Variants in PLXNA2 observed in about 807,000 individuals in gnomAD.
PLXNA2 encodes the protein plexin A2, also known as plexin-A2.
In PLXNA2, 91 loss-of-function variants were observed where a neutral mutation model predicts 193.5. The observed-to-expected ratio is 0.47, with a 90% CI of 0.40 to 0.56. The LOEUF (loss-of-function observed/expected upper bound fraction) is 0.56, where lower values mean the gene tolerates loss of function less well. PLXNA2 is among the 20% of genes least tolerant of loss of function. The probability of loss-of-function intolerance (pLI) is 0.00; values close to 1 mark genes in which losing one functional copy is unlikely to be tolerated. For missense variants in PLXNA2, 1,995 were observed against 2,503.2 expected (o/e 0.80, Z 4.33); for synonymous variants, 997 against 1,027.3 (o/e 0.97, Z 0.56).
chr1:208,204,400 A>G (rs569098052), intron 3 of PLXNA2, among the ~76,000 whole-genome samples: 4 of 152,224 alleles, frequency 2.6e-5, no homozygotes, highest in African/African-American at 9.6e-5. Context: ...CCTCCAGCCA[A>G]CATTTCTGAG....
chr1:208,135,298 G>A (rs1668269496), intron 4 of PLXNA2, among the ~76,000 whole-genome samples: 1 of 152,204 alleles, frequency 6.6e-6, no homozygotes, highest in Non-Finnish European at 1.5e-5. Flanking sequence ...TTAAACAGAT[G>A]TGGTTAAAAA....
rs140398609 is a variant in PLXNA2, at chr1:208,072,517, G to T, written c.2586+6743C>A. On this transcript the variant is annotated intron_variant, in intron 12 of 31. Transcript: ENST00000367033. ...TGAACTACCTGGGCCCCATTGTCTG[G>T]CCTCTCCCATTAGGCTGAGATGCTT... is the stretch of plus-strand genomic sequence containing the variant. Among the ~76,000 whole-genome samples, 789 of 152,226 alleles carry T rather than the reference G, an allele frequency of 5.2e-3. 5 individuals carry two copies. The highest frequency in any genetic ancestry group is 0.012 in the Admixed American group (188 of 15,292).
intron 3 of PLXNA2, among the ~76,000 whole-genome samples, chr1:208,167,128 C>G (rs1420932203): frequency 6.6e-6 from 1 of 152,154 alleles, no homozygotes; most frequent in Admixed American, 6.5e-5. Context: ...TCACTTATCT[C>G]AGTGCTGAAT....
intron 4 of PLXNA2, among the ~76,000 whole-genome samples, chr1:208,115,222 G>A (rs1173279097): frequency 1.3e-5 from 2 of 152,106 alleles, no homozygotes; most frequent in Non-Finnish European, 2.9e-5. Context: ...TTGTGAATCT[G>A]CATTCTGATA....
At chr1:208,188,538 A>G (rs1181543457) in intron 3 of PLXNA2, among the ~76,000 whole-genome samples, 1 of 152,038 alleles carries the variant, frequency 6.6e-6, no homozygotes, top group African/African-American at 2.4e-5. Flanking sequence ...TCGAAATCCC[A>G]TCTCTACTAA....
chr1:208,140,967 G>A (rs571345921), intron 4 of PLXNA2, among the ~76,000 whole-genome samples: 5 of 152,238 alleles, frequency 3.3e-5, no homozygotes, highest in South Asian at 2.1e-4. Flanking sequence ...CTGTTTCATC[G>A]GAATGATAGG....
At position 208,033,465 on chromosome 1, in the gene PLXNA2, G is replaced by A; in HGVS notation, c.4909C>T (p.Arg1637Trp). 1 of 1,613,268 alleles carries A rather than the reference G, an allele frequency of 6.2e-7. No individual in the cohort carries two copies. Among genetic ancestry groups the A allele is most frequent in the Non-Finnish European group, 8.5e-7 (1 of 1,179,460 alleles). ...YTGSPDSLRS[R>W]APMITPDLES... is the part of the protein sequence containing the mutation. The stretch of plus-strand genomic sequence containing the variant: ...AGGTCTGGGGTGATCATCGGGGCCC[G>A]GGACCGCAGGCTGTCGGGGCTGCCC... Residue 1637 changes from arginine (R) to tryptophan (W), a missense_variant, in exon 28 of 32, where the codon CGG (arginine) becomes TGG (tryptophan). Transcript: ENST00000367033.
chr1:208,103,430 C>T (rs1304250073), intron 4 of PLXNA2, among the ~76,000 whole-genome samples, 183 bp from the exon 5 acceptor site: 1 of 152,234 alleles, frequency 6.6e-6, no homozygotes, highest in Non-Finnish European at 1.5e-5. Flanking sequence ...GTAGGCTAAG[C>T]CGAGTGTGTC....
chr1:208,239,948 G>A (rs770961118), intron 1 of PLXNA2, among the ~76,000 whole-genome samples: 2 of 152,156 alleles, frequency 1.3e-5, no homozygotes, highest in Non-Finnish European at 2.9e-5. Context: ...CTGGGGTGAA[G>A]GGGGGTATGG....
Position 208,054,082 on chromosome 1 carries a change from A to T in PLXNA2, c.2856+339T>A, listed in dbSNP as rs1571866441. 7.9e-5 allele frequency among the ~76,000 whole-genome samples: 12 copies of T among 152,342 alleles called. 1 individual carries two copies. In the South Asian group the frequency reaches 2.5e-3, roughly 32 times the overall value. On this transcript the variant is annotated intron_variant, in intron 14 of 31. Transcript: ENST00000367033. ...CTCATTAGGCTAGAATTAGACTAAGATATTACACTGGTGGGACAAGAGGCA... is the reference window on the plus strand; with the variant it reads ...CTCATTAGGCTAGAATTAGACTAAGTTATTACACTGGTGGGACAAGAGGCA...
At chr1:208,111,971 T>C (rs1371974601) in intron 4 of PLXNA2, among the ~76,000 whole-genome samples, 1 of 152,166 alleles carries the variant, frequency 6.6e-6, no homozygotes, top group Non-Finnish European at 1.5e-5. Context: ...CCCGGTGCTG[T>C]CTCCTAAGAA....
At chr1:208,190,208 C>T (rs150722172) in intron 3 of PLXNA2, among the ~76,000 whole-genome samples, 333 of 152,208 alleles carry the variant, frequency 2.2e-3, no homozygotes, top group African/African-American at 7.7e-3. Context: ...TCCCAAAACT[C>T]ATGCTTCTCC....
rs796504014 is a variant in PLXNA2 at position 208,178,927 on chromosome 1, A to G, written c.1371+31353T>C. 1.2e-4 allele frequency among the ~76,000 whole-genome samples: 18 copies of G among 152,344 alleles called. 1 individual carries two copies. Among genetic ancestry groups the G allele is most frequent in the African/African-American group, 4.3e-4 (18 of 41,566 alleles). On this transcript the variant is annotated intron_variant, in intron 3 of 31. Coordinates refer to ENST00000367033, the MANE Select transcript of PLXNA2 (RefSeq NM_025179.4). Reference sequence around the variant, plus strand: ...ATTCGGATGCAAGCTTAAGTTTGAGAACAACTAGTTTAGGGTGTGGGTTGA... The same window carrying G: ...ATTCGGATGCAAGCTTAAGTTTGAGGACAACTAGTTTAGGGTGTGGGTTGA...
intron 3 of PLXNA2, among the ~76,000 whole-genome samples, chr1:208,144,645 A>C (rs1668553867): frequency 6.6e-6 from 1 of 152,116 alleles, no homozygotes; most frequent in African/African-American, 2.4e-5. Context: ...CTGGGCCTGA[A>C]CTTAAGGAGG....
intron 12 of PLXNA2, among the ~76,000 whole-genome samples, chr1:208,071,093 C>T (rs1665962106): frequency 6.6e-6 from 1 of 152,154 alleles, no homozygotes; most frequent in South Asian, 2.1e-4. Context: ...CAGCTCTCAC[C>T]ATGGTTTCCA....
chr1:208,031,347 G>A (rs1664497577), intron 29 of PLXNA2: 2 of 1,355,314 alleles, frequency 1.5e-6, no homozygotes, highest in Non-Finnish European at 1.9e-6. Flanking sequence ...ACCTGGAGGG[G>A]CAGAATTCAA....
chr1:208,061,069 C>T (rs1665605156), intron 12 of PLXNA2, among the ~76,000 whole-genome samples: 1 of 152,152 alleles, frequency 6.6e-6, no homozygotes, highest in South Asian at 2.1e-4. Context: ...ATTCATTCAT[C>T]TACTTATTTA....
At chr1:208,229,289 T>C (rs1558256555) in intron 1 of PLXNA2, among the ~76,000 whole-genome samples, 1 of 152,222 alleles carries the variant, frequency 6.6e-6, no homozygotes, top group South Asian at 2.1e-4. Flanking sequence ...TTGAGCTGTC[T>C]TTTTTATGTG....
At chr1:208,095,052 T>C (rs1666836113) in intron 8 of PLXNA2, among the ~76,000 whole-genome samples, 1 of 152,242 alleles carries the variant, frequency 6.6e-6, no homozygotes, top group East Asian at 1.9e-4. Flanking sequence ...CCTTGGACAA[T>C]GGGAAGGATG....
Sources: allele counts gnomAD v4.1 joint callset (sites outside exome capture counted in the v4.1 genomes callset), GRCh38; gene constraint gnomAD v4.1.1; transcripts MANE v1.5; gene names NCBI Gene and HGNC (gene_info 2026-07-23, HGNC 2026-07-21).